Variants in C8A observed in about 807,000 individuals in gnomAD.
C8A encodes the protein complement C8 alpha chain, also known as complement component C8 alpha chain.
Under a neutral mutation model 65.3 loss-of-function variants are expected in C8A, and 67 were observed. That is an observed-to-expected ratio of 1.03 (90% confidence interval 0.84 to 1.26). C8A has a LOEUF of 1.26. Among genes scored for constraint, C8A ranks in the 50% most tolerant of loss-of-function variants. The pLI is 0.00. For synonymous variants in C8A, 290 were observed against 259.4 expected, an observed-to-expected ratio of 1.12 and a Z score of -1.13; for missense variants, 781 against 723.9, an observed-to-expected ratio of 1.08 and a Z score of -0.90.
intron 1 of C8A, among the ~76,000 whole-genome samples, chr1:56,855,310 A>G (rs1382635715): frequency 6.6e-6 from 1 of 152,188 alleles, no homozygotes; most frequent in African/African-American, 2.4e-5. Context: ...AAGATCCTGA[A>G]TATAAAATGT....
chr1:56,870,551 A>C (rs1191041154), intron 2 of C8A, among the ~76,000 whole-genome samples: 1 of 152,092 alleles, frequency 6.6e-6, no homozygotes, highest in African/African-American at 2.4e-5. Flanking sequence ...TAATATCCTC[A>C]TCTCAGAAAC....
At chr1:56,868,291 A>G (rs1474412847) in intron 2 of C8A, among the ~76,000 whole-genome samples, 4 of 151,652 alleles carry the variant, frequency 2.6e-5, no homozygotes, top group Non-Finnish European at 5.9e-5. Flanking sequence ...GACTTTGTTC[A>G]GAATCCCTGG....
At chr1:56,862,847 G>GTAAT (rs1644047691) in intron 1 of C8A, among the ~76,000 whole-genome samples, 1 of 152,126 alleles carries the variant, frequency 6.6e-6, no homozygotes, top group African/African-American at 2.4e-5. Flanking sequence ...GGCTCCTTAA[G>GTAAT]TAATTAAAAA....
At chr1:56,878,162 C>T (rs1222080240) in intron 4 of C8A, among the ~76,000 whole-genome samples, 2 of 152,018 alleles carry the variant, frequency 1.3e-5, no homozygotes, top group African/African-American at 2.4e-5. Flanking sequence ...GTCCTAATTT[C>T]CCCTTCCTGT....
intron 6 of C8A, among the ~76,000 whole-genome samples, chr1:56,885,439 A>C (rs12089655): frequency 0.69 from 82,560 of 119,120 alleles, 29,760 homozygotes; most frequent in East Asian, 0.96. Context: ...TATATATTTA[A>C]GTAAATATAT....
chr1:56,857,468 T>C (rs1040400816), intron 1 of C8A, among the ~76,000 whole-genome samples: 4 of 152,062 alleles, frequency 2.6e-5, no homozygotes, highest in African/African-American at 9.6e-5. Flanking sequence ...TTTCTTATGA[T>C]CTGTGTGTGC....
intron 5 of C8A, 102 bp downstream of exon 5, chr1:56,881,736 A>C: frequency 8.6e-7 from 1 of 1,166,346 alleles, no homozygotes; most frequent in Non-Finnish European, 1.3e-6. Context: ...TTTGTTTTCT[A>C]TAAAGTTTGC....
At chr1:56,904,245 G>C (rs1487855331) in intron 7 of C8A, among the ~76,000 whole-genome samples, 1 of 152,122 alleles carries the variant, frequency 6.6e-6, no homozygotes, top group Non-Finnish European at 1.5e-5. Flanking sequence ...CAACTTGTTA[G>C]TGTCATTTTC....
chr1:56,903,841 C>A (rs1401180324), intron 7 of C8A, among the ~76,000 whole-genome samples: 1 of 152,162 alleles, frequency 6.6e-6, no homozygotes, highest in Non-Finnish European at 1.5e-5. Context: ...GAGGTTGGGC[C>A]TAGTTACCTA....
intron 7 of C8A, among the ~76,000 whole-genome samples, chr1:56,906,214 T>A (rs1000869922): frequency 6.6e-6 from 1 of 152,024 alleles, no homozygotes; most frequent in Non-Finnish European, 1.5e-5. Context: ...GTTCATGGAG[T>A]AAATGACATT....
chr1:56,864,786 A>G (rs1053484212), intron 1 of C8A, among the ~76,000 whole-genome samples: 1 of 152,138 alleles, frequency 6.6e-6, no homozygotes, highest in Non-Finnish European at 1.5e-5. Context: ...TACAAATTAG[A>G]GTTTCTCAAA....
chr1:56,903,579 C>T (rs898302740), intron 7 of C8A, among the ~76,000 whole-genome samples: 3 of 152,196 alleles, frequency 2.0e-5, no homozygotes, highest in Non-Finnish European at 2.9e-5. Context: ...CTTTAACTGA[C>T]TTAGCCTTGG....
chr1:56,900,616 G>A (rs1267292818), intron 7 of C8A, among the ~76,000 whole-genome samples: 6 of 144,866 alleles, frequency 4.1e-5, no homozygotes, highest in East Asian at 4.3e-4. Context: ...ATGAGATAAT[G>A]CAGCTGAAAG....
intron 9 of C8A, among the ~76,000 whole-genome samples, chr1:56,911,907 G>T (rs1644510419): frequency 6.6e-6 from 1 of 152,186 alleles, no homozygotes. Context: ...TGGTGGAGAG[G>T]GCAGATGAGT....
At chr1:56,885,260 G>A (rs549288537) in intron 6 of C8A, among the ~76,000 whole-genome samples, 5 of 135,426 alleles carry the variant, frequency 3.7e-5, no homozygotes, top group South Asian at 2.2e-4. Context: ...GTTCATATAC[G>A]TGTTTATATA....
intron 6 of C8A, among the ~76,000 whole-genome samples, 163 bp downstream of exon 6, chr1:56,883,844 T>C (rs1034080830): frequency 5.3e-5 from 8 of 152,124 alleles, no homozygotes; most frequent in African/African-American, 1.9e-4. Flanking sequence ...CTTATTACGC[T>C]TTTGCACACA....
chr1:56,860,184 G>T (rs559551308), intron 1 of C8A, among the ~76,000 whole-genome samples: 43 of 152,292 alleles, frequency 2.8e-4, no homozygotes, highest in African/African-American at 1.0e-3. Flanking sequence ...CTGTAAAGAT[G>T]GCATTTAAAC....
At chr1:56,876,929 T>C (rs1287199044) in intron 4 of C8A, among the ~76,000 whole-genome samples, 1 of 152,172 alleles carries the variant, frequency 6.6e-6, no homozygotes, top group East Asian at 1.9e-4. Flanking sequence ...CCCACATTTA[T>C]GTGTTGAAGC....
intron 7 of C8A, among the ~76,000 whole-genome samples, chr1:56,902,739 A>T (rs1414354000): frequency 3.3e-5 from 5 of 152,184 alleles, no homozygotes; most frequent in Non-Finnish European, 4.4e-5. Context: ...GGAATCAGGC[A>T]GTCTTTATCC....
Sources: allele counts gnomAD v4.1 joint callset (sites outside exome capture counted in the v4.1 genomes callset), GRCh38; gene constraint gnomAD v4.1.1; transcripts MANE v1.5; gene names NCBI Gene and HGNC (gene_info 2026-07-23, HGNC 2026-07-21).